The following LRRC58 variants were observed in gnomAD, a reference collection of about 807,000 sequenced individuals.
The protein encoded by LRRC58 is leucine rich repeat containing 58.
A neutral mutation model predicts 30.6 loss-of-function variants in LRRC58; 18 were observed. The observed-to-expected ratio is 0.59, with a 90% confidence interval of 0.41 to 0.87. The LOEUF is 0.87. Among genes scored for constraint, LRRC58 ranks in the 40% least tolerant of loss-of-function variants. The probability of loss-of-function intolerance (pLI) is 0.00; values close to 1 mark genes in which losing one functional copy is unlikely to be tolerated. For synonymous variants in LRRC58, 221 were observed against 206.0 expected (o/e 1.07, Z -0.62); for missense variants, 420 against 468.4 (o/e 0.90, Z 0.95).
chr3:120,335,179 A>C (rs769879262), intron 2 of LRRC58, 40 bp from the exon 3 acceptor site: 43 of 1,545,994 alleles, frequency 2.8e-5, no homozygotes, highest in Non-Finnish European at 2.2e-5. Flanking sequence ...GCAGTAAACA[A>C]CGTAACTATC....
At chr3:120,347,547 G>T (rs1039940300) in intron 1 of LRRC58, among the ~76,000 whole-genome samples, 1 of 148,806 alleles carries the variant, frequency 6.7e-6, no homozygotes, top group Non-Finnish European at 1.5e-5. Flanking sequence ...GCCCGCCACC[G>T]CGCCCGGCTA....
chr3:120,336,480 T>C (rs184213515), intron 1 of LRRC58, among the ~76,000 whole-genome samples: 95 of 152,302 alleles, frequency 6.2e-4, no homozygotes, highest in Middle Eastern at 3.4e-3. Flanking sequence ...AGAGACCAGA[T>C]TACAAGAACC....
chr3:120,344,227 G>T (rs1250164778), intron 1 of LRRC58, among the ~76,000 whole-genome samples: 1 of 152,172 alleles, frequency 6.6e-6, no homozygotes, highest in Non-Finnish European at 1.5e-5. Context: ...TGTGGATAAA[G>T]AAAGTTTTCT....
rs1935828382 is a variant in LRRC58, at chr3:120,335,832, G to A, written c.622C>T (p.Leu208Phe). 1.2e-6 allele frequency: 2 copies of A among 1,611,056 alleles called. No individual in the cohort carries two copies. The highest frequency in any genetic ancestry group is 1.3e-5 in the African/African-American group (1 of 74,856). Residue 208 changes from leucine to phenylalanine, a missense_variant, in exon 2 of 4, where the codon CTT becomes TTT. Leu to Phe is a conservative substitution (Grantham distance 22). Around this residue, in one of 2 missense-constraint regions of LRRC58, gnomAD observed 154 missense variants for 216.8 expected, o/e 0.71. Transcript: ENST00000295628. ...DNKIQSIPPQ[L>F]SQLHSLRSLS... ...ATGCCTGGAACTACTCACTGTGAAA[G>A]TTGAGGAGGTATGCTTTGGATTTTG...
rs746114226 is a variant in LRRC58, at chr3:120,335,890, C to G, written c.564G>C (p.Leu188=). The change falls in exon 2 of 4, where the codon CTG becomes CTC. Residue 188 remains leucine (L), a synonymous_variant. Transcript: ENST00000295628. ...IKEIPPELGN[L]PSLNYLVLCD... The stretch of plus-strand genomic sequence containing the variant: ...ATAATACCAAATAATTCAGAGAAGG[C>G]AGATTTCCTAATTCTGGTGGGATTT... 6.2e-7 allele frequency: 1 copy of G among 1,600,982 alleles called. No homozygotes were observed. The highest frequency in any genetic ancestry group is 1.7e-5 in the Admixed American group (1 of 59,980).
chr3:120,331,874 T>A (rs1463059109), intron 3 of LRRC58, among the ~76,000 whole-genome samples: 3 of 152,244 alleles, frequency 2.0e-5, no homozygotes, highest in African/African-American at 7.2e-5. Context: ...CCTGTTCTTA[T>A]GTACTGGGAA....
chr3:120,339,673 C>G (rs1174544421), intron 1 of LRRC58, among the ~76,000 whole-genome samples: 1 of 151,838 alleles, frequency 6.6e-6, no homozygotes, highest in African/African-American at 2.4e-5. Flanking sequence ...TCTTTTTTTT[C>G]TTTCCTCAAT....
intron 1 of LRRC58, among the ~76,000 whole-genome samples, chr3:120,338,381 C>T (rs982792938): frequency 2.0e-5 from 3 of 152,184 alleles, no homozygotes; most frequent in East Asian, 3.8e-4. Flanking sequence ...CTACAATGTG[C>T]CAGGCACCAT....
At position 120,325,941 on chromosome 3, in the gene LRRC58, C is replaced by G. The variant is rs1279562160; in HGVS notation, c.*5259G>C. On this transcript the variant is annotated 3_prime_UTR_variant, in exon 4 of 4. Transcript: ENST00000295628. ...CCTCCCCAGAAGTCCTAGACTGATA[C>G]ACATTAGGCCATTTTATGAGAAGGA... 1 of 152,108 alleles carries G rather than the reference C, an allele frequency of 6.6e-6. No individual in the cohort carries two copies. Among genetic ancestry groups the G allele is most frequent in the East Asian group, 1.9e-4 (1 of 5,182 alleles). The allele number at this position is 152,108 out of a possible 1,614,324, so 9.4% of individuals were successfully genotyped here.
intron 3 of LRRC58, among the ~76,000 whole-genome samples, chr3:120,333,741 C>A (rs1396748392): frequency 1.3e-5 from 2 of 152,132 alleles, no homozygotes; most frequent in Non-Finnish European, 2.9e-5. Context: ...CACCCTGGCC[C>A]TTCAGGCTCT....
At chr3:120,334,576 A>G (rs1371653431) in intron 3 of LRRC58, among the ~76,000 whole-genome samples, 1 of 152,210 alleles carries the variant, frequency 6.6e-6, no homozygotes, top group African/African-American at 2.4e-5. Flanking sequence ...CAGTTTTTAA[A>G]CAATTAGAAC....
chr3:120,348,697 C>T (rs373518842), intron 1 of LRRC58, 47 bp downstream of exon 1: 2 of 1,492,086 alleles, frequency 1.3e-6, no homozygotes, highest in Admixed American at 2.3e-5. Flanking sequence ...CCAGGGTTCC[C>T]GGACACCGCC....
At chr3:120,338,282 GTTAC>G (rs1935860680) in intron 1 of LRRC58, among the ~76,000 whole-genome samples, 1 of 152,126 alleles carries the variant, frequency 6.6e-6, no homozygotes, top group Non-Finnish European at 1.5e-5. Flanking sequence ...ATTTGGATCA[GTTAC>G]TTAATCTTGC....
Position 120,330,025 on chromosome 3 carries a change from G to GT in LRRC58, c.*1174dup, listed in dbSNP as rs1403330551. The GT allele has an allele frequency of 6.6e-6, 1 of 151,830 alleles. No individual in the cohort carries two copies. Among genetic ancestry groups the GT allele is most frequent in the Non-Finnish European group, 1.5e-5 (1 of 67,860 alleles). The allele number at this position is 151,830 out of a possible 1,614,324, so 9.4% of individuals were successfully genotyped here. A position where few individuals can be genotyped will look rare whatever the true frequency, so the allele number is the denominator to read the frequency against. ...TTTCAAAAATGCTTCCATAGTTAAA[G>GT]TAGTTCTGGAAACTGTTCCATTAGG... On this transcript the variant is annotated 3_prime_UTR_variant, in exon 4 of 4. Transcript: ENST00000295628.
In LRRC58 at chr3:120,348,472, T is replaced by C. The variant is rs561488126; in HGVS notation, c.500+272A>G. 1.8e-3 allele frequency among the ~76,000 whole-genome samples: 271 copies of C among 152,324 alleles called. 1 individual carries two copies. The highest frequency in any genetic ancestry group is 6.4e-3 in the African/African-American group (266 of 41,568). Reference sequence around the variant, plus strand: ...CATCTGTTTTGAGTTTCCACTCAGTTTGGATCACGCCCCAGATTCAATAAG... The same window carrying C: ...CATCTGTTTTGAGTTTCCACTCAGTCTGGATCACGCCCCAGATTCAATAAG... On this transcript the variant is annotated intron_variant, in intron 1 of 3. Coordinates refer to ENST00000295628, the MANE Select transcript of LRRC58 (RefSeq NM_001099678.2).
chr3:120,349,130 C>G lies in LRRC58; in HGVS notation c.114G>C (p.Glu38Asp). The change falls in exon 1 of 4, where the codon GAG becomes GAC. Residue 38 changes from glutamate to aspartate, a missense_variant. Around this residue, in one of 2 missense-constraint regions of LRRC58, gnomAD observed 266 missense variants for 251.7 expected, o/e 1.06. Transcript: ENST00000295628. ...GCAGCGCCTCCCGCGCCCCGCGCCG[C>G]TCCTCCCCCCGCGCCTCCAGCTCAG... is the stretch of plus-strand genomic sequence containing the variant. ...LESELEARGE[E>D]RRGAREALLR... 6.6e-7 allele frequency: 1 copy of G among 1,505,818 alleles called. No individual in the cohort carries two copies. The highest frequency in any genetic ancestry group is 8.8e-7 in the Non-Finnish European group (1 of 1,135,732). 93.3% of individuals were successfully genotyped at this position (1,505,818 alleles called of 1,614,324 possible). A position where few individuals can be genotyped will look rare whatever the true frequency, so the allele number is the denominator to read the frequency against.
In LRRC58 at chr3:120,334,952, G is replaced by T; in HGVS notation, c.817C>A (p.Arg273=). 3 of 1,613,712 alleles carry T rather than the reference G, an allele frequency of 1.9e-6. No individual in the cohort carries two copies. The highest frequency in any genetic ancestry group is 2.7e-5 in the African/African-American group (2 of 75,022). The change falls in exon 3 of 4, where the codon CGA becomes AGA. Residue 273 remains arginine (R), a synonymous_variant. Transcript: ENST00000295628. ...TCATAGGGAGTGTAGGAAATATTTC[G>T]AATCTTAATGGTCCGTGCAGCTAAT... ...LELAARTIKI[R]NISYTPYDLP... is the part of the protein sequence containing the mutation.
At chr3:120,347,940 A>G (rs1038064948) in intron 1 of LRRC58, among the ~76,000 whole-genome samples, 1 of 152,204 alleles carries the variant, frequency 6.6e-6, no homozygotes, top group Non-Finnish European at 1.5e-5. Context: ...GGTGAAGCAG[A>G]TAATTCCTGT....
chr3:120,337,920 C>G (rs1043168092), intron 1 of LRRC58, among the ~76,000 whole-genome samples: 1 of 152,002 alleles, frequency 6.6e-6, no homozygotes, highest in African/African-American at 2.4e-5. Context: ...CTCACTGCAA[C>G]CTCTGCCTCA....
Sources: gnomAD v4.1 joint callset for allele counts (sites outside exome capture counted in the v4.1 genomes callset) on GRCh38, gnomAD v4.1.1 for gene constraint, gnomAD v4.1.1 regional missense constraint, MANE v1.5 for transcripts, NCBI Gene and HGNC (gene_info 2026-07-23, HGNC 2026-07-21) for gene names.